The following MYO16 variants were observed in gnomAD, a reference collection of about 807,000 sequenced individuals.
The protein encoded by MYO16 is myosin XVI.
MYO16 carries 94 observed loss-of-function variants against 205.3 expected under a neutral mutation model. The observed-to-expected ratio is 0.46, with a 90% confidence interval of 0.39 to 0.54. MYO16 has a LOEUF of 0.54. Among genes scored for constraint, MYO16 ranks in the 20% least tolerant of loss-of-function variants. The probability of loss-of-function intolerance (pLI) is 0.00; values close to 1 mark genes in which losing one functional copy is unlikely to be tolerated. For missense variants in MYO16, 2,315 were observed against 2,387.5 expected, an observed-to-expected ratio of 0.97 and a Z score of 0.63; for synonymous variants, 988 against 954.0, an observed-to-expected ratio of 1.04 and a Z score of -0.66.
intron 9 of MYO16, among the ~76,000 whole-genome samples, chr13:108,839,142 T>G (rs1293026550): frequency 6.6e-6 from 1 of 152,046 alleles, no homozygotes; most frequent in Non-Finnish European, 1.5e-5. Flanking sequence ...GCACAGCATA[T>G]CTCATGATGA....
intron 24 of MYO16, among the ~76,000 whole-genome samples, chr13:109,050,579 A>G (rs1887214369): frequency 6.6e-6 from 1 of 152,202 alleles, no homozygotes. Context: ...ACTTTTACCC[A>G]TTAGTTTTAC....
chr13:108,599,604 A>T (rs1271772610), intron 1 of MYO16, among the ~76,000 whole-genome samples: 1 of 152,210 alleles, frequency 6.6e-6, no homozygotes, highest in Non-Finnish European at 1.5e-5. Context: ...TCTAGATCAT[A>T]GCCCTCCATC....
At chr13:108,596,674 T>A (rs181335587) in intron 1 of MYO16, among the ~76,000 whole-genome samples, 1 of 152,344 alleles carries the variant, frequency 6.6e-6, no homozygotes, top group East Asian at 1.9e-4. Flanking sequence ...TCATTTTAAA[T>A]GCCTGTATGG....
the MYO16 span, among the ~76,000 whole-genome samples, chr13:108,589,431 A>G: frequency 2.0e-5 from 3 of 152,188 alleles, no homozygotes; most frequent in Admixed American, 6.5e-5. Context: ...ATAAAATACC[A>G]GTATTTATTT....
chr13:108,540,518 T>C, the MYO16 span, among the ~76,000 whole-genome samples: 1 of 152,146 alleles, frequency 6.6e-6, no homozygotes. Context: ...GATATTGCCT[T>C]TTCACAAGGA....
intron 20 of MYO16, among the ~76,000 whole-genome samples, chr13:108,992,042 A>G (rs889091464): frequency 6.6e-6 from 1 of 152,214 alleles, no homozygotes. Context: ...CAGAGTAAAT[A>G]GACAACCTAC....
intron 34 of MYO16, among the ~76,000 whole-genome samples, chr13:109,201,754 C>T (rs1041167189): frequency 3.3e-5 from 5 of 152,002 alleles, no homozygotes; most frequent in African/African-American, 9.7e-5. Flanking sequence ...TCATGCCCTC[C>T]CACCCTTTCC....
chr13:108,866,155 G>C (rs372626156), intron 11 of MYO16, 22 bp from the exon 12 acceptor site: 10 of 1,569,702 alleles, frequency 6.4e-6, no homozygotes, highest in African/African-American at 2.7e-5. Flanking sequence ...CTCATGAACT[G>C]TTTGCATCCC....
At chr13:109,169,469 G>A (rs1878839778) in intron 33 of MYO16, among the ~76,000 whole-genome samples, 1 of 152,052 alleles carries the variant, frequency 6.6e-6, no homozygotes, top group African/African-American at 2.4e-5. Context: ...TTTCTTGCAA[G>A]GGGATAGAGA....
intron 20 of MYO16, among the ~76,000 whole-genome samples, chr13:108,978,411 C>T (rs1884344223): frequency 6.6e-6 from 1 of 151,920 alleles, no homozygotes; most frequent in South Asian, 2.1e-4. Flanking sequence ...AGTAAATAAC[C>T]TCTGCCTAGT....
intron 22 of MYO16, among the ~76,000 whole-genome samples, chr13:109,016,529 T>G (rs1341691580): frequency 6.6e-6 from 1 of 152,198 alleles, no homozygotes; most frequent in Non-Finnish European, 1.5e-5. Flanking sequence ...GTTAACTTTC[T>G]GTCTTGTTGA....
intron 2 of MYO16, among the ~76,000 whole-genome samples, chr13:108,708,080 A>T (rs1883582786): frequency 6.6e-6 from 1 of 152,200 alleles, no homozygotes; most frequent in Non-Finnish European, 1.5e-5. Context: ...ATAATAAAAA[A>T]CAGATTGAGA....
chr13:108,574,539 C>T, the MYO16 span, among the ~76,000 whole-genome samples: 1 of 152,134 alleles, frequency 6.6e-6, no homozygotes, highest in Non-Finnish European at 1.5e-5. Flanking sequence ...ACTCTTATCT[C>T]TTTAATTCTC....
intron 21 of MYO16, among the ~76,000 whole-genome samples, chr13:109,002,747 C>T (rs1399662018): frequency 6.6e-6 from 1 of 152,156 alleles, no homozygotes; most frequent in Non-Finnish European, 1.5e-5. Context: ...ACTAATTTGC[C>T]TGTAAAAATC....
At chr13:108,789,229 T>C (rs555640460) in intron 5 of MYO16, among the ~76,000 whole-genome samples, 1 of 152,332 alleles carries the variant, frequency 6.6e-6, no homozygotes, top group East Asian at 1.9e-4. Context: ...TCTTCTCCCA[T>C]ATCGTCATGT....
chr13:109,040,033 G>A (rs1886830860), intron 23 of MYO16, among the ~76,000 whole-genome samples: 1 of 152,094 alleles, frequency 6.6e-6, no homozygotes, highest in East Asian at 1.9e-4. Flanking sequence ...AAGATACAAA[G>A]GGAATATTAC....
At chr13:108,845,001 T>A (rs1264314383) in intron 10 of MYO16, among the ~76,000 whole-genome samples, 1 of 152,118 alleles carries the variant, frequency 6.6e-6, no homozygotes, top group African/African-American at 2.4e-5. Flanking sequence ...GAGGTAATTT[T>A]GGATTTGAAG....
chr13:108,584,680 T>C, the MYO16 span, among the ~76,000 whole-genome samples: 1 of 152,100 alleles, frequency 6.6e-6, no homozygotes, highest in Admixed American at 6.6e-5. Context: ...CCTCCATGAG[T>C]TACCCTTTTT....
At chr13:108,521,521 T>A in the MYO16 span, among the ~76,000 whole-genome samples, 1 of 152,206 alleles carries the variant, frequency 6.6e-6, no homozygotes, top group South Asian at 2.1e-4. Context: ...GTTTTTTAAT[T>A]CTTTTGATCT....
Sources: allele counts gnomAD v4.1 joint callset (sites outside exome capture counted in the v4.1 genomes callset), GRCh38; gene constraint gnomAD v4.1.1; transcripts MANE v1.5; gene names NCBI Gene and HGNC (gene_info 2026-07-23, HGNC 2026-07-21).